ZFYVE9: variants seen among roughly 807,000 people sequenced by gnomAD.
ZFYVE9 encodes the protein zinc finger FYVE-type containing 9.
In ZFYVE9, 43 loss-of-function variants were observed where a neutral mutation model predicts 126.7. The ratio of observed to expected loss-of-function variants is 0.34; its 90% confidence interval spans 0.27 to 0.44. ZFYVE9 has a LOEUF of 0.44. ZFYVE9 is among the 20% of genes least tolerant of loss of function. ZFYVE9 has a pLI of 1.00. For synonymous variants in ZFYVE9, 521 were observed against 597.4 expected (o/e 0.87, Z 1.87); for missense variants, 1,476 against 1,697.0 (o/e 0.87, Z 2.29).
At chr1:52,342,130 C>T (rs1646442708) in intron 17 of ZFYVE9, among the ~76,000 whole-genome samples, 1 of 152,224 alleles carries the variant, frequency 6.6e-6, no homozygotes, top group South Asian at 2.1e-4. Flanking sequence ...CCACCACTCT[C>T]CAGTGCATCC....
At chr1:52,330,146 G>T (rs533131706) in intron 13 of ZFYVE9, among the ~76,000 whole-genome samples, 74 of 152,332 alleles carry the variant, frequency 4.9e-4, no homozygotes, top group African/African-American at 1.7e-3. Context: ...TGGAAGCCAA[G>T]GTGGGCGGAC....
chr1:52,229,516 AT>A (rs1350089151), intron 2 of ZFYVE9, among the ~76,000 whole-genome samples: 1 of 152,236 alleles, frequency 6.6e-6, no homozygotes, highest in Non-Finnish European at 1.5e-5. Flanking sequence ...TTTAGCATCC[AT>A]TTTTGATGCT....
intron 1 of ZFYVE9, among the ~76,000 whole-genome samples, chr1:52,190,953 CCCTT>C (rs61375385): frequency 0.028 from 4,242 of 151,644 alleles, 180 homozygotes; most frequent in African/African-American, 0.094. Flanking sequence ...CTTCCTCCCT[CCCTT>C]CCTTCCTTCC....
In ZFYVE9 at chr1:52,206,960, G is replaced by C. The variant is rs80112178; in HGVS notation, c.-142-9409G>C. ...GTCTCATTATGTGTGTACACACACAGAGAGAATTATATATATGTATGTAGG... is the reference window on the plus strand; with the variant it reads ...GTCTCATTATGTGTGTACACACACACAGAGAATTATATATATGTATGTAGG... On this transcript the variant is annotated intron_variant, in intron 1 of 18. Transcript: ENST00000287727. Among the ~76,000 whole-genome samples, 70 of 152,350 alleles carry C rather than the reference G, an allele frequency of 4.6e-4. 2 individuals are homozygous for C. The East Asian group carries it at 0.013, about 28-fold the overall frequency.
chr1:52,256,128 C>T (rs551375796), intron 4 of ZFYVE9, among the ~76,000 whole-genome samples: 140 of 151,430 alleles, frequency 9.2e-4, no homozygotes, highest in African/African-American at 3.2e-3. Flanking sequence ...TGCAATGGCG[C>T]GATCTCAGCT....
chr1:52,196,410 TG>T (rs1262404116), intron 1 of ZFYVE9, among the ~76,000 whole-genome samples: 1 of 151,978 alleles, frequency 6.6e-6, no homozygotes, highest in Non-Finnish European at 1.5e-5. Flanking sequence ...CCAAGGTGGG[TG>T]GATCACTTGA....
At chr1:52,257,906 A>T (rs1645538263) in intron 4 of ZFYVE9, among the ~76,000 whole-genome samples, 1 of 152,102 alleles carries the variant, frequency 6.6e-6, no homozygotes, top group South Asian at 2.1e-4. Flanking sequence ...TTGTATTTTT[A>T]GTAGAGATAG....
At chr1:52,231,527 T>A (rs1317653955) in intron 2 of ZFYVE9, among the ~76,000 whole-genome samples, 3 of 151,536 alleles carry the variant, frequency 2.0e-5, no homozygotes, top group Non-Finnish European at 4.4e-5. Flanking sequence ...CCAAAAAAAA[T>A]AATTCACAGA....
chr1:52,324,516 G>T (rs1022977298), intron 13 of ZFYVE9, among the ~76,000 whole-genome samples: 1 of 152,134 alleles, frequency 6.6e-6, no homozygotes, highest in Non-Finnish European at 1.5e-5. Context: ...CACTTATGCT[G>T]TTTCCTCTGT....
chr1:52,158,310 G>A (rs940604457), intron 1 of ZFYVE9, among the ~76,000 whole-genome samples: 3 of 152,168 alleles, frequency 2.0e-5, no homozygotes, highest in African/African-American at 4.8e-5. Context: ...TCTCCTTTAT[G>A]AGGTCCAAGA....
chr1:52,160,502 G>A, intron 1 of ZFYVE9: 1 of 787,264 alleles, frequency 1.3e-6, no homozygotes, highest in Non-Finnish European at 2.4e-6. Flanking sequence ...ACCTGAAGCG[G>A]CTACTCTAGC....
At chr1:52,257,764 C>T (rs1182993581) in intron 4 of ZFYVE9, among the ~76,000 whole-genome samples, 2 of 152,144 alleles carry the variant, frequency 1.3e-5, no homozygotes, top group Non-Finnish European at 2.9e-5. Flanking sequence ...GACGGGGTTT[C>T]GCTCTTGTCT....
chr1:52,251,980 TGAGG>T (rs949549460), intron 4 of ZFYVE9: 39 of 153,724 alleles, frequency 2.5e-4, no homozygotes, highest in African/African-American at 9.5e-4. Context: ...GTTGTAGCGT[TGAGG>T]CATTTTTTTT....
Position 52,313,013 on chromosome 1 carries a change from T to C in ZFYVE9, c.3438+9088T>C, listed in dbSNP as rs561684913. ...GGGGAAATATGGAAACAGACACACA[T>C]ATAGGGAAGATGATGTGAAGAGACA... is the stretch of plus-strand genomic sequence containing the variant. On this transcript the variant is annotated intron_variant, in intron 13 of 18. Transcript: ENST00000287727. Among the ~76,000 whole-genome samples the C allele has an allele frequency of 2.0e-5, 3 of 152,168 alleles. No homozygotes were observed. The South Asian group carries it at 6.2e-4, about 32-fold the overall frequency.
At chr1:52,266,619 A>G (rs751140089) in intron 5 of ZFYVE9, 36 bp from the exon 6 acceptor site, 7 of 1,522,752 alleles carry the variant, frequency 4.6e-6, no homozygotes, top group East Asian at 4.7e-5. Flanking sequence ...ATATTTTGCA[A>G]TCCATTCACA....
intron 2 of ZFYVE9, among the ~76,000 whole-genome samples, chr1:52,224,328 G>T (rs987462682): frequency 2.6e-5 from 4 of 152,050 alleles, no homozygotes; most frequent in Non-Finnish European, 5.9e-5. Flanking sequence ...GGAGGGGAAG[G>T]ACTGAGTGTT....
intron 1 of ZFYVE9, among the ~76,000 whole-genome samples, chr1:52,145,273 G>A (rs1284731196): frequency 6.6e-6 from 1 of 152,208 alleles, no homozygotes; most frequent in East Asian, 1.9e-4. Flanking sequence ...AGTGAGTAGA[G>A]ATGATAATTC....
At chr1:52,281,983 A>G (rs1645809928) in intron 10 of ZFYVE9, among the ~76,000 whole-genome samples, 167 bp downstream of exon 10, 1 of 152,192 alleles carries the variant, frequency 6.6e-6, no homozygotes, top group African/African-American at 2.4e-5. Flanking sequence ...AAATTTTAGT[A>G]TTGTACCTGG....
chr1:52,237,551 A>G lies in ZFYVE9; in HGVS notation c.134A>G (p.His45Arg), dbSNP rs1645284594. ...KWNKILDPPS[H>R]RLSFNPTLAS... ...AATAAGATTCTAGATCCCCCTTCTC[A>G]CCGGCTGTCATTTAACCCTACTTTG... Residue 45 changes from histidine (H) to arginine (R), a missense_variant, in exon 4 of 19, where the codon CAC becomes CGC. His to Arg is a conservative substitution (Grantham distance 29, BLOSUM62 0). Around this residue, in one of 2 missense-constraint regions of ZFYVE9, gnomAD observed 807 missense variants for 794.6 expected, o/e 1.02. Coordinates refer to ENST00000287727, the MANE Select transcript of ZFYVE9 (RefSeq NM_004799.4). 2 of 1,613,946 alleles carry G rather than the reference A, an allele frequency of 1.2e-6. No individual in the cohort carries two copies. The highest frequency in any genetic ancestry group is 1.7e-6 in the Non-Finnish European group (2 of 1,179,890).
Sources: allele counts gnomAD v4.1 joint callset (sites outside exome capture counted in the v4.1 genomes callset), GRCh38; gene constraint gnomAD v4.1.1; regional missense constraint gnomAD v4.1.1; transcripts MANE v1.5; gene names NCBI Gene and HGNC (gene_info 2026-07-23, HGNC 2026-07-21).